Variants in DNAJC3 observed in about 807,000 individuals in gnomAD.
The protein encoded by DNAJC3 is DnaJ heat shock protein family (Hsp40) member C3, also known as dnaJ homolog subfamily C member 3.
A neutral mutation model predicts 68.6 loss-of-function variants in DNAJC3; 38 were observed. That is an observed-to-expected ratio of 0.55 (90% CI 0.43 to 0.73). The LOEUF (loss-of-function observed/expected upper bound fraction) is 0.73, where lower values mean the gene tolerates loss of function less well. DNAJC3 is among the 30% of genes least tolerant of loss of function. The pLI, the probability that DNAJC3 is intolerant of heterozygous loss-of-function variation, is 0.00. For missense variants in DNAJC3, 526 were observed against 591.9 expected, an observed-to-expected ratio of 0.89 and a Z score of 1.16; for synonymous variants, 203 against 204.0, an observed-to-expected ratio of 1.00 and a Z score of 0.04.
At chr13:95,737,496 A>C (rs1389924601) in intron 4 of DNAJC3, among the ~76,000 whole-genome samples, 1 of 151,568 alleles carries the variant, frequency 6.6e-6, no homozygotes, top group Non-Finnish European at 1.5e-5. Flanking sequence ...CCACAATTTC[A>C]GCTCCTGTTA....
intron 4 of DNAJC3, among the ~76,000 whole-genome samples, chr13:95,730,303 TTTAG>T (rs1881670918): frequency 6.6e-6 from 1 of 152,186 alleles, no homozygotes; most frequent in Non-Finnish European, 1.5e-5. Flanking sequence ...CCAGAAGCTT[TTTAG>T]TTTAATATAA....
Position 95,792,406 on chromosome 13 carries a change from T to C in DNAJC3, c.*1376T>C, listed in dbSNP as rs965146192. On this transcript the variant is annotated 3_prime_UTR_variant, in exon 12 of 12. Coordinates refer to ENST00000602402, the MANE Select transcript of DNAJC3 (RefSeq NM_006260.5). ...TACCTTTATTCTGGAAAGGTTTTGTTTCTGCCTCAAAGCATTTTGAAGTGT... is the reference window on the plus strand; with the variant it reads ...TACCTTTATTCTGGAAAGGTTTTGTCTCTGCCTCAAAGCATTTTGAAGTGT... The C allele has an allele frequency of 2.6e-5, 4 of 152,250 alleles. No homozygotes were observed. Among genetic ancestry groups the C allele is most frequent in the African/African-American group, 9.6e-5 (4 of 41,474 alleles). 9.4% of individuals were successfully genotyped at this position (152,250 alleles called of 1,614,324 possible). A position where few individuals can be genotyped will look rare whatever the true frequency, so the allele number is the denominator to read the frequency against.
At position 95,791,170 on chromosome 13, in the gene DNAJC3, G is replaced by A; in HGVS notation, c.*140G>A. The A allele has an allele frequency of 1.0e-6, 1 of 966,540 alleles. No homozygotes were observed. Among genetic ancestry groups the A allele is most frequent in the Non-Finnish European group, 1.5e-6 (1 of 656,518 alleles). 59.9% of individuals were successfully genotyped at this position (966,540 alleles called of 1,614,324 possible). On this transcript the variant is annotated 3_prime_UTR_variant, in exon 12 of 12. Transcript: ENST00000602402. ...GAGTTGCTTTAATAGGAAAAAATCT[G>A]TTCTTATCCCTGTCAGATTTATGGT... is the stretch of plus-strand genomic sequence containing the variant.
At chr13:95,771,800 C>T in intron 9 of DNAJC3, among the ~76,000 whole-genome samples, 1 of 152,164 alleles carries the variant, frequency 6.6e-6, no homozygotes, top group East Asian at 1.9e-4. Context: ...ATCCCACCCC[C>T]CCACAGGCAA....
chr13:95,748,504 G>T (rs1179209009), intron 4 of DNAJC3, among the ~76,000 whole-genome samples: 1 of 152,000 alleles, frequency 6.6e-6, no homozygotes, highest in Non-Finnish European at 1.5e-5. Context: ...ATTGTTTCAG[G>T]ATAGCTAACT....
At chr13:95,741,320 C>T (rs1021037379) in intron 4 of DNAJC3, among the ~76,000 whole-genome samples, 1 of 152,124 alleles carries the variant, frequency 6.6e-6, no homozygotes, top group Non-Finnish European at 1.5e-5. Flanking sequence ...TATAATTTGG[C>T]TGGCTGTAAT....
intron 2 of DNAJC3, among the ~76,000 whole-genome samples, chr13:95,716,720 G>A (rs1881161226): frequency 6.6e-6 from 1 of 152,158 alleles, no homozygotes; most frequent in Admixed American, 6.5e-5. Flanking sequence ...CAGCATCCAC[G>A]TCGTTCTGCC....
chr13:95,782,910 T>C (rs925445583), intron 9 of DNAJC3, among the ~76,000 whole-genome samples: 5 of 152,226 alleles, frequency 3.3e-5, no homozygotes, highest in Non-Finnish European at 7.3e-5. Context: ...CTGAATGGTA[T>C]TGCCTAGGTT....
intron 4 of DNAJC3, among the ~76,000 whole-genome samples, chr13:95,731,667 G>A (rs140042965): frequency 6.6e-6 from 1 of 152,146 alleles, no homozygotes; most frequent in East Asian, 1.9e-4. Context: ...GGTGTCTTAT[G>A]TTTTCTGGTT....
chr13:95,699,765 A>T (rs887253374), intron 1 of DNAJC3, among the ~76,000 whole-genome samples: 1 of 152,234 alleles, frequency 6.6e-6, no homozygotes, highest in Admixed American at 6.5e-5. Context: ...TTTCCAGCAC[A>T]TAGTAGATTG....
chr13:95,787,207 G>C (rs750714045), intron 11 of DNAJC3, 52 bp downstream of exon 11: 14 of 1,577,236 alleles, frequency 8.9e-6, no homozygotes, highest in Admixed American at 3.7e-5. Flanking sequence ...TGTTAGAAGC[G>C]AGGGTGGAAC....
intron 7 of DNAJC3, among the ~76,000 whole-genome samples, chr13:95,761,762 T>A (rs1270036285): frequency 6.6e-6 from 1 of 151,748 alleles, no homozygotes; most frequent in Non-Finnish European, 1.5e-5. Context: ...TATAAACTTT[T>A]GGGATTGGCT....
intron 10 of DNAJC3, among the ~76,000 whole-genome samples, 180 bp from the exon 11 acceptor site, chr13:95,786,827 G>A (rs552857527): frequency 4.6e-5 from 7 of 152,312 alleles, no homozygotes; most frequent in South Asian, 4.1e-4. Context: ...GAAGCCTGAT[G>A]TCAGCTTTAA....
intron 9 of DNAJC3, among the ~76,000 whole-genome samples, chr13:95,783,747 G>A (rs1883517462): frequency 6.6e-6 from 1 of 152,162 alleles, no homozygotes; most frequent in African/African-American, 2.4e-5. Context: ...CTTGTTGTAG[G>A]ACTCTTTCCT....
intron 2 of DNAJC3, among the ~76,000 whole-genome samples, chr13:95,714,226 TG>T (rs1158050518): frequency 1.3e-5 from 2 of 152,168 alleles, no homozygotes; most frequent in Non-Finnish European, 2.9e-5. Flanking sequence ...TGGGAATTTT[TG>T]TGAAGATCAG....
rs1476044761 is a variant in DNAJC3, at chr13:95,783,823, G to A, written c.1076-2116G>A. Among the ~76,000 whole-genome samples the A allele has an allele frequency of 4.6e-5, 7 of 152,170 alleles. No homozygotes were observed. The South Asian group carries it at 1.2e-3, about 27-fold the overall frequency. ...GAAAAATGAGGCTCACAGACAATTT[G>A]AAGAGGGCAGGACTTATTGGGTGAA... On this transcript the variant is annotated intron_variant, in intron 9 of 11. Transcript: ENST00000602402.
Position 95,757,741 on chromosome 13 carries a change from CT to C in DNAJC3, c.495del (p.Phe165LeufsTer10). On this transcript the variant is annotated frameshift_variant, in exon 5 of 12. Transcript: ENST00000602402. LOFTEE classifies it high-confidence loss of function. ...MQRLRSQALN[A>X]FGSGDYTAAI... Reference sequence around the variant, plus strand: ...CGTTTGCGTTCACAAGCACTTAACGCTTTTGGAAGTGGAGATTATACTGCTG... The same window carrying C: ...CGTTTGCGTTCACAAGCACTTAACGCTTTGGAAGTGGAGATTATACTGCTG... The C allele has an allele frequency of 1.3e-6, 2 of 1,575,720 alleles. No individual in the cohort carries two copies. Among genetic ancestry groups the C allele is most frequent in the South Asian group, 1.1e-5 (1 of 87,828 alleles).
Position 95,792,129 on chromosome 13 carries a change from A to G in DNAJC3, c.*1099A>G, listed in dbSNP as rs1199242742. 2.0e-5 allele frequency: 3 copies of G among 152,222 alleles called. No individual in the cohort carries two copies. The highest frequency in any genetic ancestry group is 2.9e-5 in the Non-Finnish European group (2 of 68,046). 9.4% of individuals were successfully genotyped at this position (152,222 alleles called of 1,614,324 possible). On this transcript the variant is annotated 3_prime_UTR_variant, in exon 12 of 12. Coordinates refer to ENST00000602402, the MANE Select transcript of DNAJC3 (RefSeq NM_006260.5). ...TGCCTCTGATTTTCTCCTGCCTACA[A>G]GAAAATACAGGCAAGGTTAGTCAGG... is the stretch of plus-strand genomic sequence containing the variant.
chr13:95,752,292 CTT>C (rs1487770763), intron 4 of DNAJC3, among the ~76,000 whole-genome samples: 1 of 152,024 alleles, frequency 6.6e-6, no homozygotes, highest in East Asian at 1.9e-4. Context: ...ATTAAAATAA[CTT>C]AATGAAAAGT....
Sources: allele counts gnomAD v4.1 joint callset (sites outside exome capture counted in the v4.1 genomes callset), GRCh38; gene constraint gnomAD v4.1.1; transcripts MANE v1.5; gene names NCBI Gene and HGNC (gene_info 2026-07-23, HGNC 2026-07-21).